The following CYP7B1 variants were observed in gnomAD, a reference collection of about 807,000 sequenced individuals.
CYP7B1 encodes cytochrome P450 7B1.
In CYP7B1, 29 loss-of-function variants were observed where a neutral mutation model predicts 42.7. The observed-to-expected ratio is 0.68, with a 90% CI of 0.51 to 0.93. CYP7B1 has a LOEUF of 0.93. CYP7B1 is among the 40% of genes least tolerant of loss of function. The probability of loss-of-function intolerance (pLI) is 0.00; values close to 1 mark genes in which losing one functional copy is unlikely to be tolerated. For missense variants in CYP7B1, 655 were observed against 600.5 expected (o/e 1.09, Z -0.95); for synonymous variants, 235 against 218.2 (o/e 1.08, Z -0.68).
At chr8:64,746,752 C>A (rs1231688247) in intron 1 of CYP7B1, among the ~76,000 whole-genome samples, 1 of 151,900 alleles carries the variant, frequency 6.6e-6, no homozygotes, top group Non-Finnish European at 1.5e-5. Context: ...GGAAGATAAC[C>A]AAACCCAATG....
At chr8:64,679,809 A>T (rs1806508984) in intron 1 of CYP7B1, among the ~76,000 whole-genome samples, 1 of 152,214 alleles carries the variant, frequency 6.6e-6, no homozygotes, top group Non-Finnish European at 1.5e-5. Flanking sequence ...TTCTGAAACC[A>T]TCATAACAAT....
Position 64,615,798 on chromosome 8 carries a change from C to G in CYP7B1, c.743G>C (p.Cys248Ser), listed in dbSNP as rs763482203. The G allele has an allele frequency of 6.2e-6, 10 of 1,613,600 alleles. No homozygotes were observed. In the South Asian group the frequency reaches 1.1e-4, roughly 18 times the overall value. Residue 248 changes from cysteine (C) to serine (S), a missense_variant, in exon 3 of 6, where the codon TGC becomes TCC. By Grantham distance (112) the Cys-to-Ser change is moderately radical (BLOSUM62 -1). Coordinates refer to ENST00000310193, the MANE Select transcript of CYP7B1 (RefSeq NM_004820.5). ...VKSIREKIIK[C>S]FSSEKLAKMQ... ...CTTGGCTAACTTTTCTGATGAGAAG[C>G]ATTTTATAATTTTCTCTCTAATAGA... is the stretch of plus-strand genomic sequence containing the variant.
chr8:64,716,349 G>A (rs961658321), intron 1 of CYP7B1, among the ~76,000 whole-genome samples: 3 of 152,082 alleles, frequency 2.0e-5, no homozygotes, highest in South Asian at 2.1e-4. Flanking sequence ...TATCCAAGAA[G>A]TTATCATATC....
rs754214163 is a variant in CYP7B1 at position 64,798,511 on chromosome 8, G to C, written c.77C>G (p.Ala26Gly). Reference sequence around the variant, plus strand: ...GCAGAGGGCCAGGAGCAGCAGGGCCGCGGCGAGGGCCAGGCCCGGGAGGCC... The same window carrying C: ...GCAGAGGGCCAGGAGCAGCAGGGCCCCGGCGAGGGCCAGGCCCGGGAGGCC... ...RLGLPGLALAAALLLLALCLL... is the reference protein window; with the variant it reads ...RLGLPGLALAGALLLLALCLL... The change falls in exon 1 of 6, where the codon GCG becomes GGG. Residue 26 changes from alanine (A) to glycine (G), a missense_variant. Coordinates refer to ENST00000310193, the MANE Select transcript of CYP7B1 (RefSeq NM_004820.5). The C allele has an allele frequency of 2.0e-6, 3 of 1,507,492 alleles. No homozygotes were observed. Among genetic ancestry groups the C allele is most frequent in the South Asian group, 2.5e-5 (2 of 81,128 alleles). 93.4% of individuals were successfully genotyped at this position (1,507,492 alleles called of 1,614,324 possible).
intron 1 of CYP7B1, among the ~76,000 whole-genome samples, chr8:64,661,259 G>C (rs1026594918): frequency 3.9e-5 from 6 of 152,138 alleles, no homozygotes; most frequent in African/African-American, 1.2e-4. Context: ...TGAGGGATTA[G>C]AACAAATGTC....
intron 1 of CYP7B1, among the ~76,000 whole-genome samples, chr8:64,742,352 G>A (rs545031637): frequency 1.2e-4 from 18 of 151,942 alleles, no homozygotes; most frequent in East Asian, 5.8e-4. Context: ...TTATATTTGC[G>A]GAGTAGTTTT....
At chr8:64,774,528 G>GT (rs1199203796) in intron 1 of CYP7B1, among the ~76,000 whole-genome samples, 1 of 149,560 alleles carries the variant, frequency 6.7e-6, no homozygotes, top group Non-Finnish European at 1.5e-5. Context: ...AGGGGATCAA[G>GT]TAAAAAAAAA....
chr8:64,623,475 G>A (rs1254275800), intron 2 of CYP7B1, among the ~76,000 whole-genome samples: 1 of 152,184 alleles, frequency 6.6e-6, no homozygotes, highest in Admixed American at 6.5e-5. Flanking sequence ...CCACACAAGT[G>A]ACTCAGGCCA....
At chr8:64,642,082 G>A (rs1805863877) in intron 1 of CYP7B1, among the ~76,000 whole-genome samples, 1 of 152,030 alleles carries the variant, frequency 6.6e-6, no homozygotes, top group Non-Finnish European at 1.5e-5. Flanking sequence ...TGCAAAATAT[G>A]TGTTAATATA....
intron 1 of CYP7B1, among the ~76,000 whole-genome samples, chr8:64,644,530 A>G (rs1805918222): frequency 6.6e-6 from 1 of 152,218 alleles, no homozygotes; most frequent in South Asian, 2.1e-4. Flanking sequence ...TGTAGAACAG[A>G]CATTGTAGCC....
chr8:64,665,222 C>G (rs911456813), intron 1 of CYP7B1, among the ~76,000 whole-genome samples: 1 of 152,066 alleles, frequency 6.6e-6, no homozygotes, highest in African/African-American at 2.4e-5. Context: ...AGTTCATTAT[C>G]AAGAAGTACA....
At position 64,624,951 on chromosome 8, in the gene CYP7B1, C is replaced by CTTTTTTTTTTTTTTTTTTTT. The variant is rs71260892; in HGVS notation, c.123-432_123-413dup. 9.3e-5 allele frequency among the ~76,000 whole-genome samples: 5 copies of CTTTTTTTTTTTTTTTTTTTT among 54,022 alleles called. 1 individual carries two copies. Among genetic ancestry groups the CTTTTTTTTTTTTTTTTTTTT allele is most frequent in the African/African-American group, 5.2e-4 (5 of 9,638 alleles). 35.4% of individuals were successfully genotyped at this position (54,022 alleles called of 152,430 possible). On this transcript the variant is annotated intron_variant, in intron 1 of 5. Coordinates refer to ENST00000310193, the MANE Select transcript of CYP7B1 (RefSeq NM_004820.5). Reference sequence around the variant, plus strand: ...AGTCCCCAAAGTCCATTATATCATTCTTTTTTTTTTTTTTTTTTTTTTTTT... The same window carrying CTTTTTTTTTTTTTTTTTTTT: ...AGTCCCCAAAGTCCATTATATCATTCTTTTTTTTTTTTTTTTTTTTTTTTTTTTTTTTTTTTTTTTTTTTT...
In CYP7B1 at chr8:64,592,769, A is replaced by T. The variant is rs1805055695; in HGVS notation, c.*3873T>A. 6.6e-6 allele frequency among the ~76,000 whole-genome samples: 1 copy of T among 152,194 alleles called. No individual in the cohort carries two copies. Among genetic ancestry groups the T allele is most frequent in the Non-Finnish European group, 1.5e-5 (1 of 68,014 alleles). The stretch of plus-strand genomic sequence containing the variant: ...ATGAACTCTGATGTCAAAGGGCCTT[A>T]TTATTTTATTTTTCAAATGAGGACG... On this transcript the variant is annotated 3_prime_UTR_variant, in exon 6 of 6. Coordinates refer to ENST00000310193, the MANE Select transcript of CYP7B1 (RefSeq NM_004820.5).
intron 1 of CYP7B1, among the ~76,000 whole-genome samples, chr8:64,628,657 A>G (rs2129630533): frequency 6.6e-6 from 1 of 152,240 alleles, no homozygotes; most frequent in East Asian, 1.9e-4. Context: ...CAAATAAAAT[A>G]AAATAAAATA....
At chr8:64,696,473 C>A (rs1331115137) in intron 1 of CYP7B1, among the ~76,000 whole-genome samples, 1 of 152,136 alleles carries the variant, frequency 6.6e-6, no homozygotes, top group Non-Finnish European at 1.5e-5. Context: ...AATCCTCAGA[C>A]CATCTTTTGC....
At chr8:64,634,437 G>A (rs565409474) in intron 1 of CYP7B1, among the ~76,000 whole-genome samples, 69 of 151,892 alleles carry the variant, frequency 4.5e-4, no homozygotes, top group African/African-American at 1.7e-3. Context: ...AAATTCGCCG[G>A]GCATGGTGGC....
intron 1 of CYP7B1, among the ~76,000 whole-genome samples, chr8:64,730,753 A>G (rs570254451): frequency 5.1e-4 from 73 of 142,844 alleles, no homozygotes; most frequent in African/African-American, 1.7e-3. Context: ...GACTGTCTGC[A>G]CACACACACA....
intron 1 of CYP7B1, among the ~76,000 whole-genome samples, chr8:64,716,543 C>A (rs1807157224): frequency 6.6e-6 from 1 of 152,010 alleles, no homozygotes. Context: ...CCCATCTCTA[C>A]TAAAAATACA....
In CYP7B1 at chr8:64,596,946, T is replaced by C. The variant is rs1805128632; in HGVS notation, c.1234-17A>G. On this transcript the variant is annotated splice_polypyrimidine_tract_variant and intron_variant, in intron 5 of 5. Coordinates refer to ENST00000310193, the MANE Select transcript of CYP7B1 (RefSeq NM_004820.5). ...TCTAAACTCCTGTAAGGAAGAATAG[T>C]GTTAAAATTAACATTTTATATGAAA... 1.4e-5 allele frequency: 23 copies of C among 1,588,632 alleles called. No homozygotes were observed. Among genetic ancestry groups the C allele is most frequent in the Non-Finnish European group, 2.0e-5 (23 of 1,162,942 alleles).
Sources: gnomAD v4.1 joint callset for allele counts (sites outside exome capture counted in the v4.1 genomes callset) on GRCh38, gnomAD v4.1.1 for gene constraint, MANE v1.5 for transcripts, NCBI Gene and HGNC (gene_info 2026-07-23, HGNC 2026-07-21) for gene names.